Variants in IGBP1C observed in about 807,000 individuals in gnomAD.
IGBP1C encodes the protein IGBP1 family member C.
At chr17:58,674,891 T>G in the IGBP1C span, among the ~76,000 whole-genome samples, 1 of 144,148 alleles carries the variant, frequency 6.9e-6, no homozygotes, top group South Asian at 2.2e-4. Flanking sequence ...ACACCTGTAA[T>G]CCCAGCACTG....
chr17:58,668,780 C>T, the IGBP1C span, among the ~76,000 whole-genome samples: 1 of 152,230 alleles, frequency 6.6e-6, no homozygotes, highest in African/African-American at 2.4e-5. Flanking sequence ...CCTAGGTGAA[C>T]TGCTATGCGA....
At chr17:58,661,792 C>T in the IGBP1C span, 6 of 499,070 alleles carry the variant, frequency 1.2e-5, no homozygotes, top group Non-Finnish European at 1.4e-5. Context: ...TGCTCCACTC[C>T]GGGTCTTCGT....
At chr17:58,689,880 C>T in the IGBP1C span, among the ~76,000 whole-genome samples, 8 of 148,930 alleles carry the variant, frequency 5.4e-5, no homozygotes, top group Non-Finnish European at 1.0e-4. Context: ...GATGGAGTCT[C>T]GCTCTGTCGC....
the IGBP1C span, among the ~76,000 whole-genome samples, chr17:58,690,615 T>C: frequency 1.3e-5 from 2 of 152,318 alleles, no homozygotes; most frequent in Admixed American, 6.5e-5. Flanking sequence ...TTTATAAGCA[T>C]AAGCATGAAA....
chr17:58,678,728 AC>A, the IGBP1C span, among the ~76,000 whole-genome samples: 2 of 151,814 alleles, frequency 1.3e-5, no homozygotes, highest in African/African-American at 4.8e-5. Context: ...AATGTAAATG[AC>A]GAGTTAATGG....
chr17:58,666,904 C>T, the IGBP1C span, among the ~76,000 whole-genome samples: 1 of 152,180 alleles, frequency 6.6e-6, no homozygotes, highest in Non-Finnish European at 1.5e-5. Context: ...AATCTACATA[C>T]TCCACCTCCC....
chr17:58,666,458 C>A, the IGBP1C span: 2 of 36,834 alleles, frequency 5.4e-5, no homozygotes, highest in African/African-American at 2.1e-4. Context: ...CCTTCCACGG[C>A]AAAAAAAAAA....
the IGBP1C span, among the ~76,000 whole-genome samples, chr17:58,670,575 A>ACCAG: frequency 6.6e-6 from 1 of 151,832 alleles, no homozygotes. Flanking sequence ...GGTGTTTGAG[A>ACCAG]CCAGCCTGGC....
the IGBP1C span, among the ~76,000 whole-genome samples, chr17:58,689,994 C>T: frequency 4.0e-5 from 6 of 151,768 alleles, no homozygotes; most frequent in Non-Finnish European, 7.4e-5. Context: ...GGACTACAGG[C>T]GCCCACCACC....
At chr17:58,680,539 C>T in the IGBP1C span, among the ~76,000 whole-genome samples, 1 of 152,168 alleles carries the variant, frequency 6.6e-6, no homozygotes, top group Non-Finnish European at 1.5e-5. Context: ...GTCAGGAATT[C>T]GAGACCAGCC....
the IGBP1C span, among the ~76,000 whole-genome samples, chr17:58,677,196 A>C: frequency 2.0e-5 from 3 of 152,168 alleles, no homozygotes; most frequent in Admixed American, 2.0e-4. Flanking sequence ...CTGAGGCAGA[A>C]GGACTGAGTC....
At chr17:58,664,186 ACCTT>A in the IGBP1C span, among the ~76,000 whole-genome samples, 1 of 152,176 alleles carries the variant, frequency 6.6e-6, no homozygotes, top group African/African-American at 2.4e-5. Flanking sequence ...TTATTGAACT[ACCTT>A]CCTAATTTTA....
At chr17:58,683,430 T>C in the IGBP1C span, among the ~76,000 whole-genome samples, 1 of 147,988 alleles carries the variant, frequency 6.8e-6, no homozygotes, top group South Asian at 2.1e-4. Context: ...AGTAAACATA[T>C]AAAATCTTTA....
At chr17:58,676,876 ATCCC>A in the IGBP1C span, among the ~76,000 whole-genome samples, 2 of 152,048 alleles carry the variant, frequency 1.3e-5, no homozygotes, top group East Asian at 3.9e-4. Flanking sequence ...CACGCCTGTA[ATCCC>A]AGTACTTTGG....
chr17:58,691,041 G>A, the IGBP1C span, among the ~76,000 whole-genome samples: 1 of 152,022 alleles, frequency 6.6e-6, no homozygotes, highest in African/African-American at 2.4e-5. Context: ...TTTTGGTACA[G>A]ACAGTGTTTC....
chr17:58,667,634 C>T, the IGBP1C span, among the ~76,000 whole-genome samples: 1 of 152,144 alleles, frequency 6.6e-6, no homozygotes, highest in South Asian at 2.1e-4. Flanking sequence ...CCTGTAATCC[C>T]AACACTTTGG....
the IGBP1C span, chr17:58,661,352 AC>A: frequency 1.1e-6 from 1 of 907,178 alleles, no homozygotes; most frequent in Non-Finnish European, 1.9e-6. Context: ...AAACGCTGGC[AC>A]CATCAGGTAC....
the IGBP1C span, among the ~76,000 whole-genome samples, chr17:58,667,259 A>T: frequency 6.6e-6 from 1 of 152,158 alleles, no homozygotes; most frequent in Non-Finnish European, 1.5e-5. Flanking sequence ...GGAATCCAAG[A>T]TCTGGACTGC....
chr17:58,686,860 CCTTT>C, the IGBP1C span, among the ~76,000 whole-genome samples: 1 of 136,778 alleles, frequency 7.3e-6, no homozygotes, highest in Admixed American at 7.8e-5. Context: ...TGAAAGGTCA[CCTTT>C]TTTTTTTTTT....
Sources: allele counts gnomAD v4.1 joint callset (sites outside exome capture counted in the v4.1 genomes callset), GRCh38; gene constraint gnomAD v4.1.1; transcripts MANE v1.5; gene names NCBI Gene and HGNC (gene_info 2026-07-23, HGNC 2026-07-21).